The following PTPRQ variants were observed in gnomAD, a reference collection of about 807,000 sequenced individuals.
The protein encoded by PTPRQ is phosphatidylinositol phosphatase PTPRQ.
In PTPRQ, 199 loss-of-function variants were observed where a neutral mutation model predicts 246.0. The observed-to-expected ratio is 0.81, with a 90% CI of 0.72 to 0.91. The LOEUF (loss-of-function observed/expected upper bound fraction) is 0.91, where lower values mean the gene tolerates loss of function less well. Ranked by LOEUF, PTPRQ falls within the 40% of genes least tolerant of loss-of-function variation. PTPRQ has a pLI of 0.00. For missense variants in PTPRQ, 2,624 were observed against 2,528.4 expected, an observed-to-expected ratio of 1.04 and a Z score of -0.81; for synonymous variants, 869 against 853.2, an observed-to-expected ratio of 1.02 and a Z score of -0.32.
intron 7 of PTPRQ, among the ~76,000 whole-genome samples, chr12:80,469,809 T>C (rs1893567143): frequency 6.6e-6 from 1 of 152,226 alleles, no homozygotes; most frequent in African/African-American, 2.4e-5. Context: ...CTGACATTAT[T>C]GTTCAATACT....
intron 35 of PTPRQ, among the ~76,000 whole-genome samples, chr12:80,643,604 CAGAATGCAGAAGGATGTGAA>C (rs1032344331): frequency 7.9e-5 from 12 of 151,920 alleles, no homozygotes; most frequent in African/African-American, 4.8e-5. Flanking sequence ...AAGGATGTGA[CAGAATGCAGAAGGATGTGAA>C]AGAATGCAGA....
intron 42 of PTPRQ, among the ~76,000 whole-genome samples, chr12:80,670,972 T>C (rs945493589): frequency 6.6e-6 from 1 of 152,114 alleles, no homozygotes; most frequent in African/African-American, 2.4e-5. Context: ...TTCTCTGTTA[T>C]TCATCTTTCA....
intron 6 of PTPRQ, among the ~76,000 whole-genome samples, chr12:80,463,202 G>A (rs1483089708): frequency 4.6e-5 from 7 of 152,196 alleles, no homozygotes; most frequent in Admixed American, 3.3e-4. Context: ...GCCAAGGCAC[G>A]AGAACTACGT....
intron 35 of PTPRQ, among the ~76,000 whole-genome samples, chr12:80,645,856 A>G (rs1051869833): frequency 6.6e-6 from 1 of 152,098 alleles, no homozygotes; most frequent in Non-Finnish European, 1.5e-5. Flanking sequence ...ATGCATGAAG[A>G]GGAGTTACAA....
chr12:80,561,772 T>C (rs1383497152), intron 25 of PTPRQ, among the ~76,000 whole-genome samples: 1 of 152,140 alleles, frequency 6.6e-6, no homozygotes, highest in Non-Finnish European at 1.5e-5. Context: ...TCTGTATGCC[T>C]TTTGTTTTTT....
chr12:80,655,259 G>T (rs969682038), intron 38 of PTPRQ, among the ~76,000 whole-genome samples: 4 of 152,116 alleles, frequency 2.6e-5, no homozygotes, highest in Admixed American at 6.6e-5. Flanking sequence ...AACTACATTA[G>T]TGACTCTGGA....
intron 39 of PTPRQ, among the ~76,000 whole-genome samples, chr12:80,666,218 T>C (rs939135360): frequency 6.6e-6 from 1 of 150,762 alleles, no homozygotes; most frequent in African/African-American, 2.5e-5. Flanking sequence ...ATATACGCAA[T>C]GGAATACTAT....
At position 80,468,735 on chromosome 12, in the gene PTPRQ, C is replaced by T. The variant is rs1161794835; in HGVS notation, c.936C>T (p.Cys312=). 36 of 1,547,542 alleles carry T rather than the reference C, an allele frequency of 2.3e-5. No individual in the cohort carries two copies. Among genetic ancestry groups the T allele is most frequent in the Admixed American group, 9.9e-5 (5 of 50,506 alleles). Residue 312 remains cysteine, a synonymous_variant, in exon 7 of 45, where the codon TGC becomes TGT. Coordinates refer to ENST00000644991, the MANE Select transcript of PTPRQ (RefSeq NM_001145026.2). ...TGCCTGAAGGACCACCACAAAACTGCGTAACAGGCAACATCACAGGAAAGT... is the reference window on the plus strand; with the variant it reads ...TGCCTGAAGGACCACCACAAAACTGTGTAACAGGCAACATCACAGGAAAGT... ...ESVPEGPPQN[C]VTGNITGKSF...
chr12:80,603,855 TTA>T (rs1898222327), intron 26 of PTPRQ, among the ~76,000 whole-genome samples: 1 of 151,674 alleles, frequency 6.6e-6, no homozygotes, highest in African/African-American at 2.4e-5. Flanking sequence ...TCATTGTAGA[TTA>T]TATGTTATTT....
intron 17 of PTPRQ, among the ~76,000 whole-genome samples, chr12:80,531,033 T>C (rs868214379): frequency 1.6e-4 from 24 of 151,832 alleles, no homozygotes; most frequent in South Asian, 4.1e-4. Flanking sequence ...CTAAAAAATA[T>C]ATATATTTAA....
intron 3 of PTPRQ, among the ~76,000 whole-genome samples, chr12:80,450,373 T>C (rs2120413098): frequency 6.6e-6 from 1 of 152,348 alleles, no homozygotes; most frequent in South Asian, 2.1e-4. Context: ...CTTTATTTCC[T>C]TCTCCTGGCT....
At chr12:80,540,092 C>A in intron 20 of PTPRQ, 148 bp downstream of exon 20, 1 of 640,814 alleles carries the variant, frequency 1.6e-6, no homozygotes, top group Non-Finnish European at 2.4e-6. Context: ...AATATACTTA[C>A]AAAACTATTG....
intron 20 of PTPRQ, among the ~76,000 whole-genome samples, chr12:80,540,249 T>A (rs1005950236): frequency 6.6e-6 from 1 of 152,072 alleles, no homozygotes; most frequent in Non-Finnish European, 1.5e-5. Flanking sequence ...GTAGTTAATT[T>A]ATTTATTCAT....
At position 80,546,651 on chromosome 12, in the gene PTPRQ, T is replaced by C. The variant is rs957077643; in HGVS notation, c.3969T>C (p.Asn1323=). Residue 1323 remains asparagine, a synonymous_variant, in exon 24 of 45, where the codon AAT becomes AAC. Coordinates refer to ENST00000644991, the MANE Select transcript of PTPRQ (RefSeq NM_001145026.2). ...TATCTGCGTTCACCAAAGTTGGAAA[T>C]GGCAATCAATTTAGTAATGTAGTAA... The part of the protein sequence containing the change: ...IRVSAFTKVG[N]GNQFSNVVKF... 16 of 1,551,412 alleles carry C rather than the reference T, an allele frequency of 1.0e-5. No homozygotes were observed. The highest frequency in any genetic ancestry group is 3.3e-4 in the Middle Eastern group (2 of 6,012).
chr12:80,591,170 G>T lies in PTPRQ; in HGVS notation c.4609+2718G>T, dbSNP rs139605539. 5.5e-5 allele frequency among the ~76,000 whole-genome samples: 7 copies of T among 127,740 alleles called. 2 individuals are homozygous for T. Among genetic ancestry groups the T allele is most frequent in the African/African-American group, 2.2e-4 (7 of 32,246 alleles). The allele number at this position is 127,740 out of a possible 152,430, so 83.8% of individuals were successfully genotyped here. A position where few individuals can be genotyped will look rare whatever the true frequency, so the allele number is the denominator to read the frequency against. On this transcript the variant is annotated intron_variant, in intron 26 of 44. Coordinates refer to ENST00000644991, the MANE Select transcript of PTPRQ (RefSeq NM_001145026.2). Reference sequence around the variant, plus strand: ...CGACAGGATCTCATTCTTTCACCCAGGCTGGGGTGCTGGGGCACGGTCACA... The same window carrying T: ...CGACAGGATCTCATTCTTTCACCCATGCTGGGGTGCTGGGGCACGGTCACA...
Position 80,670,374 on chromosome 12 carries a change from A to C in PTPRQ, c.6484A>C (p.Asn2162His). The C allele has an allele frequency of 1.3e-6, 2 of 1,550,888 alleles. No individual in the cohort carries two copies. The highest frequency in any genetic ancestry group is 2.4e-5 in the South Asian group (2 of 84,010). ...GGATTGCATGACTGTTCGACAGTGT[A>C]ACTTTACTGCCTGGCCAGAGCATGG... is the stretch of plus-strand genomic sequence containing the variant. Reference protein sequence around the residue: ...HGDCMTVRQCNFTAWPEHGVP... With the variant: ...HGDCMTVRQCHFTAWPEHGVP... The change falls in exon 42 of 45, where the codon AAC (asparagine) becomes CAC (histidine). Residue 2162 changes from asparagine (N) to histidine (H), a missense_variant. Coordinates refer to ENST00000644991, the MANE Select transcript of PTPRQ (RefSeq NM_001145026.2).
chr12:80,656,929 G>A, intron 38 of PTPRQ, among the ~76,000 whole-genome samples: 2 of 139,618 alleles, frequency 1.4e-5, no homozygotes, highest in African/African-American at 5.2e-5. Flanking sequence ...CTTAAAACCA[G>A]AAAAATCCAT....
At chr12:80,650,506 A>G (rs560431707) in intron 37 of PTPRQ, among the ~76,000 whole-genome samples, 1 of 152,150 alleles carries the variant, frequency 6.6e-6, no homozygotes, top group Non-Finnish European at 1.5e-5. Flanking sequence ...TTTTCCATGA[A>G]ATTTCCAGTG....
intron 8 of PTPRQ, 145 bp downstream of exon 8, chr12:80,472,396 A>G (rs1893668710): frequency 1.7e-6 from 2 of 1,203,816 alleles, no homozygotes; most frequent in Non-Finnish European, 2.3e-6. Context: ...TTCATTCTGA[A>G]CATGTGTTCT....
Sources: gnomAD v4.1 joint callset for allele counts (sites outside exome capture counted in the v4.1 genomes callset) on GRCh38, gnomAD v4.1.1 for gene constraint, MANE v1.5 for transcripts, NCBI Gene and HGNC (gene_info 2026-07-23, HGNC 2026-07-21) for gene names.